Variants in TCEAL7 observed in about 807,000 individuals in gnomAD.
TCEAL7 encodes transcription elongation factor A like 7.
For missense variants in TCEAL7, 63 were observed against 77.9 expected (o/e 0.81, Z 0.72); for synonymous variants, 22 against 25.5 (o/e 0.86, Z 0.42).
Position 103,331,841 on chromosome X carries a change from C to T in TCEAL7, c.*135C>T, listed in dbSNP as rs1926524417. On this transcript the variant is annotated 3_prime_UTR_variant, in exon 3 of 3. Transcript: ENST00000332431. ...ATGTTGCTGAGATTTACATATGACT[C>T]TTGTCAACATCTCATCTTTTGACCC... 1 of 494,444 alleles carries T rather than the reference C, an allele frequency of 2.0e-6. No individual in the cohort carries two copies. Among genetic ancestry groups the T allele is most frequent in the African/African-American group, 2.4e-5 (1 of 41,561 alleles). The allele number at this position is 494,444 out of a possible 1,213,427, so 40.7% of individuals were successfully genotyped here.
chrX:103,331,594 G>C lies in TCEAL7; in HGVS notation c.191G>C (p.Arg64Thr). 8.3e-7 allele frequency: 1 copy of C among 1,208,439 alleles called. No homozygotes were observed. The highest frequency in any genetic ancestry group is 1.1e-6 in the Non-Finnish European group (1 of 892,711). The change falls in exon 3 of 3, where the codon AGG becomes ACG. Residue 64 changes from arginine (R) to threonine (T), a missense_variant. Physicochemically the swap from Arg to Thr is moderately conservative, Grantham distance 71. Coordinates refer to ENST00000332431, the MANE Select transcript of TCEAL7 (RefSeq NM_152278.5). ...CATTTTAAAGATGAAGAAATGACAA[G>C]GGAGGGAGATGAGATGGAAAGGTGT... is the stretch of plus-strand genomic sequence containing the variant. Reference protein sequence around the residue: ...YRHFKDEEMTREGDEMERCLE... With the variant: ...YRHFKDEEMTTEGDEMERCLE...
rs1323709625 is a variant in TCEAL7, at chrX:103,332,075, G to C, written c.*369G>C. 1 of 136,991 alleles carries C rather than the reference G, an allele frequency of 7.3e-6. No individual in the cohort carries two copies. Among genetic ancestry groups the C allele is most frequent in the Admixed American group, 8.9e-5 (1 of 11,263 alleles). 11.3% of individuals were successfully genotyped at this position (136,991 alleles called of 1,213,427 possible). ...AAAGGTTAACAGTGAATCTCTGTGT[G>C]ATCTCTTTTTTTTTCTTTTTGCCTA... is the stretch of plus-strand genomic sequence containing the variant. On this transcript the variant is annotated 3_prime_UTR_variant, in exon 3 of 3. Coordinates refer to ENST00000332431, the MANE Select transcript of TCEAL7 (RefSeq NM_152278.5).
At position 103,331,384 on chromosome X, in the gene TCEAL7, C is replaced by G. The variant is rs768820584; in HGVS notation, c.-20C>G. 2 of 1,146,333 alleles carry G rather than the reference C, an allele frequency of 1.7e-6. No homozygotes were observed. The highest frequency in any genetic ancestry group is 1.2e-6 in the Non-Finnish European group (1 of 865,315). 94.5% of individuals were successfully genotyped at this position (1,146,333 alleles called of 1,213,427 possible). A position where few individuals can be genotyped will look rare whatever the true frequency, so the allele number is the denominator to read the frequency against. On this transcript the variant is annotated 5_prime_UTR_variant, in exon 3 of 3. Coordinates refer to ENST00000332431, the MANE Select transcript of TCEAL7 (RefSeq NM_152278.5). ...TTTACATTTTCTCCCTAGAGTTAAG[C>G]AGGAAACAACAACAACATCATGCAA...
intron 2 of TCEAL7, 84 bp downstream of exon 2, chrX:103,331,124 C>A (rs972753447): frequency 1.4e-5 from 4 of 278,841 alleles, no homozygotes; most frequent in Non-Finnish European, 2.5e-5. Context: ...TTTGCGGCTT[C>A]GCAGTCCATC....
intron 2 of TCEAL7, 107 bp from the exon 3 acceptor site, chrX:103,331,270 G>T: frequency 1.5e-6 from 1 of 657,394 alleles, no homozygotes. Flanking sequence ...AGACTTATGA[G>T]GTCTGGACCT....
rs775194166 is a variant in TCEAL7, at chrX:103,332,120, CA to C, written c.*420del. On this transcript the variant is annotated 3_prime_UTR_variant, in exon 3 of 3. Coordinates refer to ENST00000332431, the MANE Select transcript of TCEAL7 (RefSeq NM_152278.5). Reference sequence around the variant, plus strand: ...TGCCTATCTGCATCTTCTCACTTGCCAAAAAATGAATATATGTTTATGTGTG... The same window carrying C: ...TGCCTATCTGCATCTTCTCACTTGCCAAAAATGAATATATGTTTATGTGTG... 1.5e-4 allele frequency: 19 copies of C among 127,458 alleles called. No homozygotes were observed. Among genetic ancestry groups the C allele is most frequent in the Non-Finnish European group, 2.8e-4 (16 of 56,813 alleles). 10.5% of individuals were successfully genotyped at this position (127,458 alleles called of 1,213,427 possible). A position where few individuals can be genotyped will look rare whatever the true frequency, so the allele number is the denominator to read the frequency against.
Position 103,332,307 on chromosome X carries a change from A to T in TCEAL7, c.*601A>T, listed in dbSNP as rs1262265405. ...CTGGATCTCTTAGCCAGAGTAATAAACTGGTAATTATTACAGATACACACG... is the reference window on the plus strand; with the variant it reads ...CTGGATCTCTTAGCCAGAGTAATAATCTGGTAATTATTACAGATACACACG... On this transcript the variant is annotated 3_prime_UTR_variant, in exon 3 of 3. Coordinates refer to ENST00000332431, the MANE Select transcript of TCEAL7 (RefSeq NM_152278.5). 2 of 123,665 alleles carry T rather than the reference A, an allele frequency of 1.6e-5. No individual in the cohort carries two copies. The highest frequency in any genetic ancestry group is 3.7e-5 in the Non-Finnish European group (2 of 53,377). The allele number at this position is 123,665 out of a possible 1,213,427, so 10.2% of individuals were successfully genotyped here. A position where few individuals can be genotyped will look rare whatever the true frequency, so the allele number is the denominator to read the frequency against.
Position 103,331,684 on chromosome X carries a change from G to A in TCEAL7, c.281G>A (p.Arg94Gln). The A allele has an allele frequency of 8.3e-7, 1 of 1,200,793 alleles. No homozygotes were observed. Among genetic ancestry groups the A allele is most frequent in the Non-Finnish European group, 1.1e-6 (1 of 890,161 alleles). ...RALHSNHRHS[R>Q]DRPYPI is the part of the protein sequence containing the mutation. Reference sequence around the variant, plus strand: ...CTGCATTCTAACCATAGGCATTCTCGGGACCGTCCTTATCCCATTTAATTA... The same window carrying A: ...CTGCATTCTAACCATAGGCATTCTCAGGACCGTCCTTATCCCATTTAATTA... Residue 94 changes from arginine (R) to glutamine (Q), a missense_variant, in exon 3 of 3, where the codon CGG becomes CAG. Transcript: ENST00000332431.
In TCEAL7 at chrX:103,331,538, C is replaced by T; in HGVS notation, c.135C>T (p.Leu45=). 8.3e-7 allele frequency: 1 copy of T among 1,208,686 alleles called. No homozygotes were observed. The highest frequency in any genetic ancestry group is 1.1e-6 in the Non-Finnish European group (1 of 893,987). The change falls in exon 3 of 3, where the codon CTC becomes CTT. Residue 45 remains leucine (L), a synonymous_variant. Transcript: ENST00000332431. ...GNFRQRLLQS[L]EEFKEDIDYR... is the part of the protein sequence containing the mutation. ...TTAGACAGAGGCTGCTTCAGTCTCT[C>T]GAAGAATTTAAAGAGGACATAGACT...
At chrX:103,330,467 G>A (rs1437125768) in intron 1 of TCEAL7, among the ~76,000 whole-genome samples, 163 bp downstream of exon 1, 1 of 111,453 alleles carries the variant, frequency 9.0e-6, no homozygotes, top group Non-Finnish European at 1.9e-5. Context: ...AAGCAAGGGG[G>A]TAGGTCGAAA....
rs994130094 is a variant in TCEAL7, at chrX:103,331,266, A to T, written c.-27-111A>T. On this transcript the variant is annotated intron_variant, in intron 2 of 2. Transcript: ENST00000332431. ...GGGTGGAGGGAACTGCCGCAGACTTATGAGGTCTGGACCTGTGGGGCAGAG... is the reference window on the plus strand; with the variant it reads ...GGGTGGAGGGAACTGCCGCAGACTTTTGAGGTCTGGACCTGTGGGGCAGAG... The T allele has an allele frequency of 1.1e-5, 7 of 626,500 alleles. No homozygotes were observed. In the African/African-American group the frequency reaches 1.6e-4, roughly 14 times the overall value. The allele number at this position is 626,500 out of a possible 1,213,427, so 51.6% of individuals were successfully genotyped here.
chrX:103,331,075 T>C (rs182626273), intron 2 of TCEAL7, 35 bp downstream of exon 2: 41 of 206,451 alleles, frequency 2.0e-4, no homozygotes, highest in African/African-American at 1.2e-3. Flanking sequence ...CTGAGATCTC[T>C]GAGGATAGGA....
intron 1 of TCEAL7, among the ~76,000 whole-genome samples, chrX:103,330,523 C>T (rs1362638888): frequency 9.0e-6 from 1 of 111,612 alleles, no homozygotes; most frequent in African/African-American, 3.3e-5. Context: ...TTGAAATAAT[C>T]GGCTTCTCTC....
chrX:103,331,234 G>T (rs772775217), intron 2 of TCEAL7, 143 bp from the exon 3 acceptor site: 26 of 463,840 alleles, frequency 5.6e-5, no homozygotes, highest in Non-Finnish European at 8.4e-5. Context: ...AAAAGGGGGA[G>T]ATGAGAGGGT....
In TCEAL7 at chrX:103,332,096, G is replaced by A; in HGVS notation, c.*390G>A. ...GTGTGATCTCTTTTTTTTTCTTTTTGCCTATCTGCATCTTCTCACTTGCCA... is the reference window on the plus strand; with the variant it reads ...GTGTGATCTCTTTTTTTTTCTTTTTACCTATCTGCATCTTCTCACTTGCCA... On this transcript the variant is annotated 3_prime_UTR_variant, in exon 3 of 3. Transcript: ENST00000332431. The A allele has an allele frequency of 7.7e-6, 1 of 129,957 alleles. No homozygotes were observed. The highest frequency in any genetic ancestry group is 1.7e-5 in the Non-Finnish European group (1 of 58,687). 10.7% of individuals were successfully genotyped at this position (129,957 alleles called of 1,213,427 possible).
At chrX:103,330,447 T>C (rs934072930) in intron 1 of TCEAL7, 143 bp downstream of exon 1, 1 of 111,594 alleles carries the variant, frequency 9.0e-6, no homozygotes, top group Non-Finnish European at 1.9e-5. Flanking sequence ...ATTGTATCTT[T>C]TGCAGGGGGA....
chrX:103,331,502 A>G lies in TCEAL7; in HGVS notation c.99A>G (p.Thr33=). Residue 33 remains threonine (T), a synonymous_variant, in exon 3 of 3, where the codon ACA becomes ACG. Transcript: ENST00000332431. ...ATGGAGAATTTGAACGCCAGCAAACAGAAGGGAATTTTAGACAGAGGCTGC... is the reference window on the plus strand; with the variant it reads ...ATGGAGAATTTGAACGCCAGCAAACGGAAGGGAATTTTAGACAGAGGCTGC... ...RPYGEFERQQ[T]EGNFRQRLLQ... 8.3e-7 allele frequency: 1 copy of G among 1,210,889 alleles called. No individual in the cohort carries two copies. The highest frequency in any genetic ancestry group is 1.7e-5 in the African/African-American group (1 of 57,718).
At position 103,331,491 on chromosome X, in the gene TCEAL7, C is replaced by A. The variant is rs1487649028; in HGVS notation, c.88C>A (p.Arg30Ser). Residue 30 changes from arginine (R) to serine (S), a missense_variant, in exon 3 of 3, where the codon CGC becomes AGC. Coordinates refer to ENST00000332431, the MANE Select transcript of TCEAL7 (RefSeq NM_152278.5). ...AAAACGCCCGTATGGAGAATTTGAA[C>A]GCCAGCAAACAGAAGGGAATTTTAG... ...EEKRPYGEFE[R>S]QQTEGNFRQR... 8.3e-7 allele frequency: 1 copy of A among 1,209,753 alleles called. No homozygotes were observed. The highest frequency in any genetic ancestry group is 2.2e-5 in the Admixed American group (1 of 45,851).
Position 103,331,375 on chromosome X carries a change from A to G in TCEAL7, c.-27-2A>G, listed in dbSNP as rs1926511582. On this transcript the variant is annotated splice_acceptor_variant, in intron 2 of 2. Coordinates refer to ENST00000332431, the MANE Select transcript of TCEAL7 (RefSeq NM_152278.5). LOFTEE classifies it low-confidence loss of function (5UTR_SPLICE). ...CAATTTGTCTTTACATTTTCTCCCTAGAGTTAAGCAGGAAACAACAACAAC... is the reference window on the plus strand; with the variant it reads ...CAATTTGTCTTTACATTTTCTCCCTGGAGTTAAGCAGGAAACAACAACAAC... The G allele has an allele frequency of 2.6e-6, 3 of 1,134,895 alleles. No homozygotes were observed. Among genetic ancestry groups the G allele is most frequent in the African/African-American group, 3.7e-5 (2 of 53,717 alleles). 93.5% of individuals were successfully genotyped at this position (1,134,895 alleles called of 1,213,427 possible).
Sources: allele counts gnomAD v4.1 joint callset (sites outside exome capture counted in the v4.1 genomes callset), GRCh38; gene constraint gnomAD v4.1.1; transcripts MANE v1.5; gene names NCBI Gene and HGNC (gene_info 2026-07-23, HGNC 2026-07-21).